CATSPERE: variants seen among roughly 807,000 people sequenced by gnomAD.
The protein encoded by CATSPERE is cation channel sperm-associated auxiliary subunit epsilon.
Under a neutral mutation model 114.1 loss-of-function variants are expected in CATSPERE, and 93 were observed. That is an observed-to-expected ratio of 0.81 (90% CI 0.69 to 0.97). The LOEUF (loss-of-function observed/expected upper bound fraction) is 0.97, where lower values mean the gene tolerates loss of function less well. Among genes scored for constraint, CATSPERE ranks in the 50% least tolerant of loss-of-function variants. CATSPERE has a pLI of 0.00. For synonymous variants in CATSPERE, 341 were observed against 384.1 expected (o/e 0.89, Z 1.31); for missense variants, 1,058 against 1,131.6 (o/e 0.93, Z 0.93).
chr1:244,584,051 C>G, intron 13 of CATSPERE, 112 bp downstream of exon 13: 2 of 720,812 alleles, frequency 2.8e-6, no homozygotes. Flanking sequence ...TACCTCCATA[C>G]AATACCTCCA....
intron 18 of CATSPERE, among the ~76,000 whole-genome samples, chr1:244,608,217 T>A (rs1670246956): frequency 6.6e-6 from 1 of 151,728 alleles, no homozygotes; most frequent in African/African-American, 2.4e-5. Context: ...GACTAATAAC[T>A]AATATAGCAG....
At chr1:244,601,986 G>A (rs904114728) in intron 17 of CATSPERE, among the ~76,000 whole-genome samples, 2 of 151,804 alleles carry the variant, frequency 1.3e-5, no homozygotes, top group Admixed American at 1.3e-4. Flanking sequence ...AGGGGAGAAA[G>A]GGAAGGAGAA....
intron 8 of CATSPERE, among the ~76,000 whole-genome samples, chr1:244,520,705 G>A (rs1275112121): frequency 6.6e-6 from 1 of 152,056 alleles, no homozygotes; most frequent in Non-Finnish European, 1.5e-5. Flanking sequence ...TGGAAAATTT[G>A]TCCGTACATA....
rs1558359691 is a variant in CATSPERE at position 244,490,981 on chromosome 1, T to C, written c.351+510T>C. Among the ~76,000 whole-genome samples the C allele has an allele frequency of 2.0e-5, 3 of 152,144 alleles. No individual in the cohort carries two copies. In the South Asian group the frequency reaches 6.2e-4, roughly 32 times the overall value. On this transcript the variant is annotated intron_variant, in intron 6 of 21. Transcript: ENST00000366534. ...ATAAAACAAAAGCCTTGTAGGATTC[T>C]TAATAATTTTTAAAAGTATGAAGGG... is the stretch of plus-strand genomic sequence containing the variant.
At chr1:244,517,773 C>CAAAA (rs113797840) in intron 7 of CATSPERE, among the ~76,000 whole-genome samples, 8,741 of 140,738 alleles carry the variant, frequency 0.062, 965 homozygotes, top group African/African-American at 0.22. Flanking sequence ...ACTCTTGTCT[C>CAAAA]AAAAAAAAAA....
rs143434700 is a variant in CATSPERE at position 244,595,594 on chromosome 1, C to T, written c.2303+2016C>T. Among the ~76,000 whole-genome samples, 1,213 of 152,276 alleles carry T rather than the reference C, an allele frequency of 8.0e-3. 20 individuals are homozygous for T. Among genetic ancestry groups the T allele is most frequent in the East Asian group, 0.045 (232 of 5,180 alleles). On this transcript the variant is annotated intron_variant, in intron 17 of 21. Transcript: ENST00000366534. ...AGCTAGCTAGGTGGATTCCACACCA[C>T]GGAAGGCCTTCTATCAAGTCTTACG...
At chr1:244,531,985 C>T (rs3005947) in intron 8 of CATSPERE, among the ~76,000 whole-genome samples, 19,586 of 152,102 alleles carry the variant, frequency 0.13, 2,198 homozygotes, top group African/African-American at 0.3. Context: ...AGACTTTTTA[C>T]TATGGCTTCA....
At chr1:244,476,046 T>A (rs1412723985) in intron 2 of CATSPERE, among the ~76,000 whole-genome samples, 2 of 152,224 alleles carry the variant, frequency 1.3e-5, no homozygotes, top group African/African-American at 4.8e-5. Context: ...GTATATGTGA[T>A]AGTAACTCTT....
Position 244,541,322 on chromosome 1 carries a change from C to T in CATSPERE, c.537-11000C>T, listed in dbSNP as rs1238712132. 6.1e-4 allele frequency among the ~76,000 whole-genome samples: 90 copies of T among 148,658 alleles called. 1 individual carries two copies. In the South Asian group the frequency reaches 0.019, roughly 31 times the overall value. ...AACAAATTTACAAGAAAAAAACAAA[C>T]AACCCCATCAAAAAGTGGGCGAAGG... On this transcript the variant is annotated intron_variant, in intron 8 of 21. Coordinates refer to ENST00000366534, the MANE Select transcript of CATSPERE (RefSeq NM_001130957.2).
upstream of CATSPERE, among the ~76,000 whole-genome samples, chr1:244,458,373 C>T (rs1307241985): frequency 6.6e-6 from 1 of 152,058 alleles, no homozygotes; most frequent in Admixed American, 6.6e-5. Context: ...ACCAAAATTC[C>T]TAGTCAATTG....
chr1:244,523,498 A>G (rs1419535576), intron 8 of CATSPERE, among the ~76,000 whole-genome samples: 1 of 137,720 alleles, frequency 7.3e-6, no homozygotes, highest in African/African-American at 3.1e-5. Context: ...GCAATTAGGC[A>G]GGAGAAGGAA....
intron 20 of CATSPERE, among the ~76,000 whole-genome samples, chr1:244,621,024 T>TATAAATATATATAAA (rs1428403486): frequency 8.9e-6 from 1 of 112,992 alleles, no homozygotes; most frequent in East Asian, 2.2e-4. Flanking sequence ...ATAAAATATA[T>TATAAATATATATAAA]ATAAATATAT....
intron 20 of CATSPERE, among the ~76,000 whole-genome samples, chr1:244,620,758 A>G (rs1240901471): frequency 6.6e-6 from 1 of 151,782 alleles, no homozygotes; most frequent in Non-Finnish European, 1.5e-5. Flanking sequence ...ATAGGCCAGG[A>G]ATTCCGAAAA....
chr1:244,567,138 G>A (rs1263430517), intron 10 of CATSPERE, among the ~76,000 whole-genome samples: 1 of 152,142 alleles, frequency 6.6e-6, no homozygotes, highest in Non-Finnish European at 1.5e-5. Flanking sequence ...ATTCTATGTT[G>A]AAAATTCATT....
chr1:244,568,787 G>A lies in CATSPERE; in HGVS notation c.1508-3543G>A, dbSNP rs1224158638. Among the ~76,000 whole-genome samples the A allele has an allele frequency of 6.6e-6, 1 of 152,212 alleles. No individual in the cohort carries two copies. On this transcript the variant is annotated intron_variant, in intron 10 of 21. Transcript: ENST00000366534. This position sits in a 1 kb window ranked among gnomAD's most constrained non-coding sequence, Gnocchi z 4.4. ...TCTTAGCTTGCTGGACTCCATAGGG[G>A]TGGGATCCACTGAGCTAGACCACTT...
At chr1:244,461,586 C>T (rs1266658347) in intron 1 of CATSPERE, 92 bp downstream of exon 1, 11 of 1,035,624 alleles carry the variant, frequency 1.1e-5, no homozygotes, top group African/African-American at 8.3e-5. Flanking sequence ...CCATGCGCCT[C>T]GGGACCGCTC....
rs149213675 is a variant in CATSPERE at position 244,489,928 on chromosome 1, T to A, written c.327-519T>A. On this transcript the variant is annotated intron_variant, in intron 5 of 21. Transcript: ENST00000366534. ...ACTGGTTACTGGGAGAGAGCATCAA[T>A]GAGAAAAGAAATAGATTAGCACTGA... 3.2e-3 allele frequency among the ~76,000 whole-genome samples: 490 copies of A among 152,160 alleles called. 2 individuals carry two copies. The highest frequency in any genetic ancestry group is 0.011 in the African/African-American group (476 of 41,496).
chr1:244,456,272 C>G (rs765393995), intron 1 of CATSPERE, among the ~76,000 whole-genome samples: 2 of 151,928 alleles, frequency 1.3e-5, no homozygotes, highest in Non-Finnish European at 2.9e-5. Flanking sequence ...TTTAAGAATC[C>G]GTCTTTGCCT....
At chr1:244,453,988 A>G (rs1665885497), upstream of CATSPERE, among the ~76,000 whole-genome samples, 1 of 152,162 alleles carries the variant, frequency 6.6e-6, no homozygotes, top group African/African-American at 2.4e-5. Context: ...GGAGAATAGG[A>G]GGATAGTTTG....
Sources: gnomAD v4.1 joint callset for allele counts (sites outside exome capture counted in the v4.1 genomes callset) on GRCh38, gnomAD v4.1.1 for gene constraint, Gnocchi (gnomAD v3.1) non-coding constraint, MANE v1.5 for transcripts, NCBI Gene and HGNC (gene_info 2026-07-23, HGNC 2026-07-21) for gene names.